Variants in ATRN observed in about 807,000 individuals in gnomAD.
ATRN encodes the protein attractin-2.
ATRN carries 54 observed loss-of-function variants against 178.7 expected under a neutral mutation model. The ratio of observed to expected loss-of-function variants is 0.30; its 90% CI spans 0.24 to 0.38. The LOEUF (loss-of-function observed/expected upper bound fraction) is 0.38, where lower values mean the gene tolerates loss of function less well. Ranked by LOEUF, ATRN falls within the 10% of genes least tolerant of loss-of-function variation. The pLI is 1.00. For missense variants in ATRN, 1,443 were observed against 1,815.1 expected, an observed-to-expected ratio of 0.79 and a Z score of 3.73; for synonymous variants, 636 against 663.0, an observed-to-expected ratio of 0.96 and a Z score of 0.63.
In ATRN at chr20:3,577,014, C is replaced by T; in HGVS notation, c.2353+17C>T. The T allele has an allele frequency of 3.7e-6, 6 of 1,613,116 alleles. No individual in the cohort carries two copies. Among genetic ancestry groups the T allele is most frequent in the Non-Finnish European group, 5.1e-6 (6 of 1,179,720 alleles). ...CCCTGCCCGGTAGGCCTTGCAGGGT[C>T]ATCTTGGTGTGTGTGGGTCCATTAC... On this transcript the variant is annotated intron_variant, in intron 14 of 28. Coordinates refer to ENST00000262919, the MANE Select transcript of ATRN (RefSeq NM_139321.3).
At chr20:3,546,574 G>T (rs530015037) in intron 4 of ATRN, among the ~76,000 whole-genome samples, 18 of 151,926 alleles carry the variant, frequency 1.2e-4, no homozygotes, top group African/African-American at 4.1e-4. Context: ...TGCATATTTA[G>T]TAGAGACGGG....
intron 25 of ATRN, among the ~76,000 whole-genome samples, chr20:3,624,994 G>C (rs1365633119): frequency 6.6e-6 from 1 of 152,064 alleles, no homozygotes; most frequent in Non-Finnish European, 1.5e-5. Context: ...TGATTTTTTA[G>C]TGCCCTGGGA....
intron 1 of ATRN, among the ~76,000 whole-genome samples, chr20:3,480,113 T>G (rs1423379887): frequency 6.6e-6 from 1 of 152,158 alleles, no homozygotes; most frequent in African/African-American, 2.4e-5. Context: ...GGGGTGAGGT[T>G]GTAAGGTTAT....
At chr20:3,497,709 G>T (rs894777145) in intron 1 of ATRN, among the ~76,000 whole-genome samples, 10 of 152,080 alleles carry the variant, frequency 6.6e-5, no homozygotes, top group Non-Finnish European at 1.3e-4. Flanking sequence ...ATGTTGGCCT[G>T]CCTTGCTAGA....
At chr20:3,490,205 A>G (rs1284724795) in intron 1 of ATRN, 3 of 1,521,986 alleles carry the variant, frequency 2.0e-6, no homozygotes, top group Admixed American at 3.3e-5. Flanking sequence ...GCCACATTTC[A>G]AGCCTAAAGC....
At chr20:3,612,806 T>A (rs1365956022) in intron 24 of ATRN, among the ~76,000 whole-genome samples, 1 of 152,230 alleles carries the variant, frequency 6.6e-6, no homozygotes, top group Non-Finnish European at 1.5e-5. Context: ...GCTTTGTTGC[T>A]TATAGCTGAC....
rs2087043812 is a variant in ATRN, at chr20:3,638,683, TTA to T, written c.3943-143_3943-142del. The T allele has an allele frequency of 1.5e-6, 1 of 650,698 alleles. No homozygotes were observed. Among genetic ancestry groups the T allele is most frequent in the Non-Finnish European group, 2.6e-6 (1 of 383,808 alleles). 40.3% of individuals were successfully genotyped at this position (650,698 alleles called of 1,614,324 possible). A position where few individuals can be genotyped will look rare whatever the true frequency, so the allele number is the denominator to read the frequency against. On this transcript the variant is annotated intron_variant, in intron 26 of 28. Coordinates refer to ENST00000262919, the MANE Select transcript of ATRN (RefSeq NM_139321.3). This position sits in a 1 kb window ranked among gnomAD's most constrained non-coding sequence, Gnocchi z 4.5. ...CAACAAAATTTAGTAATCCCTAATG[TTA>T]TCTAATATCAAGTCTAAAAAGTATC...
chr20:3,540,697 T>C (rs7265122), intron 3 of ATRN, among the ~76,000 whole-genome samples: 6,076 of 152,306 alleles, frequency 0.04, 161 homozygotes, highest in Non-Finnish European at 0.058. Flanking sequence ...TCAGGAATAA[T>C]ATCCATCATG....
At chr20:3,480,931 A>G (rs1005485889) in intron 1 of ATRN, among the ~76,000 whole-genome samples, 4 of 152,186 alleles carry the variant, frequency 2.6e-5, no homozygotes, top group Non-Finnish European at 4.4e-5. Flanking sequence ...TATTTCCAAA[A>G]CTGAAATGAA....
intron 24 of ATRN, among the ~76,000 whole-genome samples, chr20:3,616,571 G>A (rs2086849485): frequency 6.6e-6 from 1 of 152,170 alleles, no homozygotes; most frequent in South Asian, 2.1e-4. Flanking sequence ...CAGAGCTGGT[G>A]ACAGTGCTAT....
rs766057869 is a variant in ATRN, at chr20:3,646,717, C to T, written c.4166-6C>T. On this transcript the variant is annotated splice_polypyrimidine_tract_variant and splice_region_variant and intron_variant, in intron 28 of 28. Coordinates refer to ENST00000262919, the MANE Select transcript of ATRN (RefSeq NM_139321.3). Reference sequence around the variant, plus strand: ...CAGCATATGTTCTCTCTGTGGTTCTCCCAAGGTCTTGCTGTGGCCAGCGCC... The same window carrying T: ...CAGCATATGTTCTCTCTGTGGTTCTTCCAAGGTCTTGCTGTGGCCAGCGCC... 94 of 1,596,432 alleles carry T rather than the reference C, an allele frequency of 5.9e-5. No homozygotes were observed. Among genetic ancestry groups the T allele is most frequent in the Non-Finnish European group, 7.6e-5 (89 of 1,170,724 alleles).
chr20:3,530,816 T>A (rs2085443234), intron 1 of ATRN, among the ~76,000 whole-genome samples: 1 of 152,100 alleles, frequency 6.6e-6, no homozygotes, highest in Admixed American at 6.6e-5. Flanking sequence ...TAGGCTGCGT[T>A]GTCTGGTAAT....
At chr20:3,498,654 A>C (rs2084914021) in intron 1 of ATRN, among the ~76,000 whole-genome samples, 2 of 152,214 alleles carry the variant, frequency 1.3e-5, no homozygotes, top group South Asian at 4.1e-4. Context: ...AAAAACTCTC[A>C]GTAAATTAGG....
At position 3,591,778 on chromosome 20, in the gene ATRN, A is replaced by G. The variant is rs568056372; in HGVS notation, c.3322+472A>G. On this transcript the variant is annotated intron_variant, in intron 19 of 28. Coordinates refer to ENST00000262919, the MANE Select transcript of ATRN (RefSeq NM_139321.3). Reference sequence around the variant, plus strand: ...GTCCTGGGTTGGAGTCAGAGTTAGGAAAGTGTCTTCTGAATTCCCCCTCCT... The same window carrying G: ...GTCCTGGGTTGGAGTCAGAGTTAGGGAAGTGTCTTCTGAATTCCCCCTCCT... 1.7e-3 allele frequency among the ~76,000 whole-genome samples: 253 copies of G among 152,280 alleles called. 1 individual carries two copies. Among genetic ancestry groups the G allele is most frequent in the African/African-American group, 5.8e-3 (241 of 41,554 alleles).
At position 3,471,488 on chromosome 20, in the gene ATRN, G is replaced by C; in HGVS notation, c.381G>C (p.Glu127Asp). ...TCTGCCCCGCCGGCTGGGTGGGCGA[G>C]CAATGCCAGCACTGCGGGGGCCGCT... The part of the protein sequence containing the change: ...QCVCPAGWVG[E>D]QCQHCGGRFR... The change falls in exon 1 of 29, where the codon GAG (glutamate) becomes GAC (aspartate). Residue 127 changes from glutamate to aspartate, a missense_variant. Physicochemically the swap from Glu to Asp is conservative, Grantham distance 45 (BLOSUM62 2). This residue lies in a region of ATRN where 862 missense variants were observed against 972.1 expected (regional missense o/e 0.89). Transcript: ENST00000262919. The C allele has an allele frequency of 7.1e-7, 1 of 1,409,372 alleles. No individual in the cohort carries two copies. The highest frequency in any genetic ancestry group is 9.2e-7 in the Non-Finnish European group (1 of 1,090,594). 87.3% of individuals were successfully genotyped at this position (1,409,372 alleles called of 1,614,324 possible).
At chr20:3,602,198 C>T (rs1044343010) in intron 23 of ATRN, among the ~76,000 whole-genome samples, 3 of 151,898 alleles carry the variant, frequency 2.0e-5, no homozygotes, top group Non-Finnish European at 2.9e-5. Context: ...GGCGTGGAGG[C>T]ACGTGCCTGT....
At chr20:3,559,091 G>A (rs1261741545) in intron 6 of ATRN, among the ~76,000 whole-genome samples, 2 of 152,138 alleles carry the variant, frequency 1.3e-5, no homozygotes, top group African/African-American at 4.8e-5. Flanking sequence ...AGTCCCTTGA[G>A]TACAATGCAA....
At chr20:3,472,116 T>C (rs8120279) in intron 1 of ATRN, among the ~76,000 whole-genome samples, 22,544 of 152,218 alleles carry the variant, frequency 0.15, 2,115 homozygotes, top group Non-Finnish European at 0.21. Context: ...CAAATTGGAA[T>C]AGGGTCTGTG....
intron 1 of ATRN, among the ~76,000 whole-genome samples, chr20:3,517,304 T>C (rs1024678281): frequency 3.3e-5 from 5 of 151,732 alleles, no homozygotes; most frequent in Non-Finnish European, 5.9e-5. Context: ...ATCTCCACTT[T>C]AAAAAAAATC....
Sources: gnomAD v4.1 joint callset for allele counts (sites outside exome capture counted in the v4.1 genomes callset) on GRCh38, gnomAD v4.1.1 for gene constraint, gnomAD v4.1.1 regional missense constraint, Gnocchi (gnomAD v3.1) non-coding constraint, MANE v1.5 for transcripts, NCBI Gene and HGNC (gene_info 2026-07-23, HGNC 2026-07-21) for gene names.